The following RABGAP1L variants were observed in gnomAD, a reference collection of about 807,000 sequenced individuals.
The protein encoded by RABGAP1L is rab GTPase-activating protein 1-like.
Under a neutral mutation model 137.7 loss-of-function variants are expected in RABGAP1L, and 63 were observed. The ratio of observed to expected loss-of-function variants is 0.46; its 90% CI spans 0.37 to 0.56. The LOEUF is 0.56. Among genes scored for constraint, RABGAP1L ranks in the 20% least tolerant of loss-of-function variants. The probability of loss-of-function intolerance (pLI) is 0.00; values close to 1 mark genes in which losing one functional copy is unlikely to be tolerated. For missense variants in RABGAP1L, 1,095 were observed against 1,244.0 expected, an observed-to-expected ratio of 0.88 and a Z score of 1.80; for synonymous variants, 431 against 433.7, an observed-to-expected ratio of 0.99 and a Z score of 0.08.
chr1:174,552,275 G>A (rs1181062177), intron 13 of RABGAP1L, among the ~76,000 whole-genome samples: 3 of 152,000 alleles, frequency 2.0e-5, no homozygotes, highest in South Asian at 2.1e-4. Flanking sequence ...CAGGTATTAA[G>A]CCTAGTATTC....
intron 13 of RABGAP1L, among the ~76,000 whole-genome samples, chr1:174,559,749 C>T (rs1312874531): frequency 2.6e-5 from 4 of 152,180 alleles, no homozygotes; most frequent in African/African-American, 9.7e-5. Flanking sequence ...AAAAGCATGA[C>T]CTGGGAACAA....
chr1:174,958,135 A>G, intron 20 of RABGAP1L: 1 of 1,491,090 alleles, frequency 6.7e-7, no homozygotes, highest in Non-Finnish European at 8.9e-7. Flanking sequence ...AATGTTAAAA[A>G]TACCAACTCA....
At chr1:174,458,256 G>A (rs1350952490) in intron 13 of RABGAP1L, among the ~76,000 whole-genome samples, 1 of 151,810 alleles carries the variant, frequency 6.6e-6, no homozygotes, top group Non-Finnish European at 1.5e-5. Context: ...GTAGAGAGTA[G>A]TTGTCATGGA....
intron 19 of RABGAP1L, among the ~76,000 whole-genome samples, chr1:174,949,487 A>G (rs1667402037): frequency 6.6e-6 from 1 of 152,210 alleles, no homozygotes; most frequent in South Asian, 2.1e-4. Flanking sequence ...GGGAGCAGAC[A>G]ATGGTGACTT....
intron 19 of RABGAP1L, chr1:174,850,104 A>ATC: frequency 2.0e-6 from 1 of 504,842 alleles, no homozygotes; most frequent in Admixed American, 2.1e-5. Context: ...CATCTTGTTG[A>ATC]TTTCCCATTC....
chr1:174,438,076 A>G (rs1472674975), intron 13 of RABGAP1L, among the ~76,000 whole-genome samples: 1 of 152,192 alleles, frequency 6.6e-6, no homozygotes, highest in Non-Finnish European at 1.5e-5. Context: ...GAAGCACTAA[A>G]CATGGAAAGG....
rs1024366835 is a variant in RABGAP1L at position 174,758,447 on chromosome 1, C to G, written c.2211+6093C>G. 3.3e-5 allele frequency among the ~76,000 whole-genome samples: 5 copies of G among 152,172 alleles called. No homozygotes were observed. The South Asian group carries it at 1.0e-3, about 32-fold the overall frequency. On this transcript the variant is annotated intron_variant, in intron 18 of 25. Coordinates refer to ENST00000681986, the MANE Select transcript of RABGAP1L (RefSeq NM_001366446.1). ...ATTTTTTTTAATCCCTCACCGCCCT[C>G]CCACCCTTTCCCCTTCTGAGTCTCC...
At chr1:174,912,667 T>C (rs1345542632) in intron 19 of RABGAP1L, among the ~76,000 whole-genome samples, 1 of 152,214 alleles carries the variant, frequency 6.6e-6, no homozygotes, top group Non-Finnish European at 1.5e-5. Flanking sequence ...TCTGGTCTCT[T>C]TTAGATTGTC....
chr1:174,784,688 G>T (rs1687321872), intron 18 of RABGAP1L, among the ~76,000 whole-genome samples: 2 of 152,184 alleles, frequency 1.3e-5, no homozygotes, highest in African/African-American at 2.4e-5. Context: ...CCAAACTGCA[G>T]GAAAGCAAAA....
At chr1:174,741,252 T>C (rs1469732139) in intron 17 of RABGAP1L, among the ~76,000 whole-genome samples, 1 of 152,210 alleles carries the variant, frequency 6.6e-6, no homozygotes, top group Non-Finnish European at 1.5e-5. Context: ...TGAGTTCATT[T>C]TTGTATATGG....
At chr1:174,466,652 T>C (rs1402964961) in intron 13 of RABGAP1L, among the ~76,000 whole-genome samples, 1 of 152,168 alleles carries the variant, frequency 6.6e-6, no homozygotes, top group East Asian at 1.9e-4. Context: ...CCAGGCGTGG[T>C]GGCACACCCT....
chr1:174,810,276 GA>G (rs1558102748), intron 18 of RABGAP1L, among the ~76,000 whole-genome samples: 2 of 152,208 alleles, frequency 1.3e-5, no homozygotes, highest in African/African-American at 4.8e-5. Flanking sequence ...AAGAGGGGAA[GA>G]AGGGGAGCAG....
intron 13 of RABGAP1L, among the ~76,000 whole-genome samples, chr1:174,504,706 C>T (rs533094296): frequency 1.6e-4 from 25 of 152,210 alleles, no homozygotes; most frequent in Non-Finnish European, 2.9e-4. Flanking sequence ...TCATTTCATA[C>T]CATATACAAA....
At chr1:174,238,578 T>G (rs1291076676) in intron 4 of RABGAP1L, among the ~76,000 whole-genome samples, 2 of 151,730 alleles carry the variant, frequency 1.3e-5, no homozygotes, top group Admixed American at 6.6e-5. Context: ...GTTAGGCTGC[T>G]CGGGGGTCAG....
At chr1:174,232,004 C>G (rs74128325) in intron 4 of RABGAP1L, among the ~76,000 whole-genome samples, 1 of 152,036 alleles carries the variant, frequency 6.6e-6, no homozygotes, top group Non-Finnish European at 1.5e-5. Flanking sequence ...AGAAATAAAA[C>G]GGTAAAAATA....
intron 17 of RABGAP1L, among the ~76,000 whole-genome samples, chr1:174,727,302 T>G (rs535380786): frequency 1.2e-4 from 18 of 152,346 alleles, no homozygotes; most frequent in Middle Eastern, 3.4e-3. Context: ...ATAAACTCTT[T>G]GAGCCAGAAG....
chr1:174,297,358 G>A lies in RABGAP1L; in HGVS notation c.1324-7628G>A, dbSNP rs192349385. On this transcript the variant is annotated intron_variant, in intron 10 of 25. Coordinates refer to ENST00000681986, the MANE Select transcript of RABGAP1L (RefSeq NM_001366446.1). Reference sequence around the variant, plus strand: ...TATTGGGTGAAAAGGAAGAAAAGGGGGAAGCAGGGACTCTCGCTAGGCCAG... The same window carrying A: ...TATTGGGTGAAAAGGAAGAAAAGGGAGAAGCAGGGACTCTCGCTAGGCCAG... Among the ~76,000 whole-genome samples, 103 of 152,244 alleles carry A rather than the reference G, an allele frequency of 6.8e-4. 1 individual carries two copies. The highest frequency in any genetic ancestry group is 2.3e-3 in the African/African-American group (94 of 41,536).
At chr1:174,988,016 A>C (rs1360544498) in intron 24 of RABGAP1L, among the ~76,000 whole-genome samples, 1 of 152,060 alleles carries the variant, frequency 6.6e-6, no homozygotes, top group Non-Finnish European at 1.5e-5. Flanking sequence ...TCACCGTGTT[A>C]GCCAGGCTGG....
At chr1:174,740,599 A>G (rs1458692164) in intron 17 of RABGAP1L, among the ~76,000 whole-genome samples, 3 of 152,132 alleles carry the variant, frequency 2.0e-5, no homozygotes, top group Admixed American at 6.5e-5. Context: ...GATTCCCAGT[A>G]GTGGCATTGC....
Sources: gnomAD v4.1 joint callset for allele counts (sites outside exome capture counted in the v4.1 genomes callset) on GRCh38, gnomAD v4.1.1 for gene constraint, MANE v1.5 for transcripts, NCBI Gene and HGNC (gene_info 2026-07-23, HGNC 2026-07-21) for gene names.